Variants in SYP observed in about 807,000 individuals in gnomAD.
SYP encodes the protein major synaptic vesicle protein P38.
In SYP, 2 loss-of-function variants were observed where a neutral mutation model predicts 24.3. That is an observed-to-expected ratio of 0.08 (90% CI 0.03 to 0.26). The LOEUF (loss-of-function observed/expected upper bound fraction) is 0.26, where lower values mean the gene tolerates loss of function less well. Among genes scored for constraint, SYP ranks in the 10% least tolerant of loss-of-function variants. The pLI is 1.00. For synonymous variants in SYP, 143 were observed against 123.2 expected (o/e 1.16, Z -1.07); for missense variants, 216 against 266.3 (o/e 0.81, Z 1.32).
Position 49,191,689 on chromosome X carries a change from G to T in SYP, c.690C>A (p.Ala230=), listed in dbSNP as rs782662870. ...WFVFKETGWA[A]PFLRAPPGAP... The stretch of plus-strand genomic sequence containing the variant: ...CGCCGGGAGGCGCGCGCAGGAACGG[G>T]GCGGCCCAGCCTGTCTCCTTAAACA... The change falls in exon 6 of 7, where the codon GCC becomes GCA. Residue 230 remains alanine, a synonymous_variant. Transcript: ENST00000263233. 1 of 1,206,303 alleles carries T rather than the reference G, an allele frequency of 8.3e-7. No homozygotes were observed. The highest frequency in any genetic ancestry group is 1.7e-5 in the African/African-American group (1 of 57,596).
At chrX:49,189,612 C>T (rs1245601936) in intron 6 of SYP, among the ~76,000 whole-genome samples, 3 of 109,899 alleles carry the variant, frequency 2.7e-5, no homozygotes, top group Non-Finnish European at 5.7e-5. Flanking sequence ...CTTCACACAG[C>T]GAACATGATG....
intron 5 of SYP, 144 bp downstream of exon 5, chrX:49,193,128 T>G: frequency 1.5e-6 from 1 of 652,264 alleles, no homozygotes. Context: ...TAGCTCATCC[T>G]TCAACGTTGT....
intron 4 of SYP, 92 bp downstream of exon 4, chrX:49,194,074 G>A: frequency 9.4e-7 from 1 of 1,058,387 alleles, no homozygotes; most frequent in Non-Finnish European, 1.3e-6. Context: ...ATGTGGGCCT[G>A]TCTGGGATTT....
intron 3 of SYP, among the ~76,000 whole-genome samples, chrX:49,195,463 C>G (rs189838931): frequency 9.1e-6 from 1 of 109,998 alleles, no homozygotes; most frequent in Admixed American, 9.7e-5. Context: ...TTCAGGTCCC[C>G]GAGAGAAAAA....
chrX:49,199,010 C>G lies in SYP; in HGVS notation c.60G>C (p.Arg20=). The part of the protein sequence containing the change: ...VNQLVAGGQF[R]VVKEPLGFVK... The stretch of plus-strand genomic sequence containing the variant: ...CAAAGCCGAGGGGCTCCTTGACCAC[C>G]CGGAACTGACCCCCAGCCACCAGCT... Residue 20 remains arginine, a synonymous_variant, in exon 2 of 7, where the codon CGG becomes CGC. Coordinates refer to ENST00000263233, the MANE Select transcript of SYP (RefSeq NM_003179.3). 1 of 1,211,649 alleles carries G rather than the reference C, an allele frequency of 8.3e-7. No individual in the cohort carries two copies. Among genetic ancestry groups the G allele is most frequent in the Non-Finnish European group, 1.1e-6 (1 of 895,469 alleles).
In SYP at chrX:49,191,692, G is replaced by A. The variant is rs201427270; in HGVS notation, c.687C>T (p.Ala229=). 1,114 of 1,206,402 alleles carry A rather than the reference G, an allele frequency of 9.2e-4. 4 individuals carry two copies. The South Asian group carries it at 9.7e-3, about 11-fold the overall frequency. ...CGGGAGGCGCGCGCAGGAACGGGGC[G>A]GCCCAGCCTGTCTCCTTAAACACGA... The part of the protein sequence containing the change: ...LWFVFKETGW[A]APFLRAPPGA... The change falls in exon 6 of 7, where the codon GCC becomes GCT. Residue 229 remains alanine (A), a synonymous_variant. Transcript: ENST00000263233.
intron 3 of SYP, 37 bp downstream of exon 3, chrX:49,197,678 C>G (rs2065533296): frequency 8.3e-7 from 1 of 1,200,790 alleles, no homozygotes; most frequent in African/African-American, 1.7e-5. Context: ...GCCCCTTCCT[C>G]TCCCAGGTCT....
chrX:49,193,604 C>G (rs782382494), intron 4 of SYP, 141 bp from the exon 5 acceptor site: 2 of 667,547 alleles, frequency 3.0e-6, no homozygotes, highest in Admixed American at 3.0e-5. Context: ...ACAACACTTT[C>G]ACCTGAAGGT....
At chrX:49,198,288 G>C (rs1360187350) in intron 2 of SYP, 1 of 145,154 alleles carries the variant, frequency 6.9e-6, no homozygotes, top group African/African-American at 3.2e-5. Flanking sequence ...CTGTATGTCT[G>C]TGTCTTTCTG....
chrX:49,193,999 C>T (rs888804662), intron 4 of SYP, among the ~76,000 whole-genome samples, 167 bp downstream of exon 4: 2 of 110,497 alleles, frequency 1.8e-5, no homozygotes, highest in Admixed American at 9.6e-5. Flanking sequence ...CTCTGTGTCC[C>T]GGATGCCTGG....
intron 2 of SYP, chrX:49,198,730 T>A: frequency 2.6e-6 from 1 of 389,673 alleles, no homozygotes; most frequent in South Asian, 4.2e-5. Flanking sequence ...AGAGAGGAGG[T>A]AGGACGTCAC....
At chrX:49,190,308 T>A (rs1181184251) in intron 6 of SYP, among the ~76,000 whole-genome samples, 1 of 108,259 alleles carries the variant, frequency 9.2e-6, no homozygotes, top group Non-Finnish European at 1.9e-5. Context: ...GCCTCCAGAG[T>A]AGCTGGAACT....
intron 1 of SYP, 66 bp from the exon 2 acceptor site, chrX:49,199,099 T>C: frequency 1.9e-6 from 2 of 1,058,952 alleles, no homozygotes; most frequent in Non-Finnish European, 2.6e-6. Context: ...GCGGCAAGGC[T>C]GCCCATCAAT....
In SYP at chrX:49,200,182, A is replaced by G. The variant is rs200470034; in HGVS notation, c.5T>C (p.Leu2Pro). The change falls in exon 1 of 7, where the codon CTG becomes CCG. Residue 2 changes from leucine (L) to proline (P), a missense_variant. Physicochemically the swap from Leu to Pro is moderately conservative, Grantham distance 98 (BLOSUM62 -3). Around this residue, in one of 2 missense-constraint regions of SYP, gnomAD observed 102 missense variants for 158.4 expected, o/e 0.64. Transcript: ENST00000263233. ...CACCACGTCCATGTCCGCCAGCAGCAGCATCAGCAATGCAGGGGGCGGGAG... is the reference window on the plus strand; with the variant it reads ...CACCACGTCCATGTCCGCCAGCAGCGGCATCAGCAATGCAGGGGGCGGGAG... MLLLADMDVVNQ... is the reference protein window; with the variant it reads MPLLADMDVVNQ... The G allele has an allele frequency of 1.7e-6, 2 of 1,165,092 alleles. No individual in the cohort carries two copies. Among genetic ancestry groups the G allele is most frequent in the Admixed American group, 2.6e-5 (1 of 38,730 alleles).
chrX:49,193,506 T>G (rs2065517828), intron 4 of SYP, 43 bp from the exon 5 acceptor site: 7 of 1,190,898 alleles, frequency 5.9e-6, no homozygotes, highest in Non-Finnish European at 7.9e-6. Flanking sequence ...GTGAGTGGAC[T>G]GCTTCACGCT....
chrX:49,194,218 G>C lies in SYP; in HGVS notation c.371C>G (p.Thr124Ser). ...AFLYSMGALA[T>S]YIFLQNKYRE... ...GTACTTGTTCTGCAGGAAGATGTAG[G>C]TGGCCAGAGCCCCCATGGAGTAGAG... Residue 124 changes from threonine to serine, a missense_variant, in exon 4 of 7, where the codon ACC becomes AGC. Around this residue, in one of 2 missense-constraint regions of SYP, gnomAD observed 102 missense variants for 158.4 expected, o/e 0.64. Transcript: ENST00000263233. The C allele has an allele frequency of 8.3e-7, 1 of 1,211,693 alleles. No homozygotes were observed. The highest frequency in any genetic ancestry group is 1.7e-5 in the African/African-American group (1 of 57,703).
chrX:49,195,193 T>G (rs1350099625), intron 3 of SYP, among the ~76,000 whole-genome samples: 2 of 110,374 alleles, frequency 1.8e-5, no homozygotes, highest in African/African-American at 6.6e-5. Flanking sequence ...TTTTTTAATC[T>G]TGGTTTTTGC....
chrX:49,191,478 C>G lies in SYP; in HGVS notation c.901G>C (p.Gly301Arg), dbSNP rs782467172. 8.3e-7 allele frequency: 1 copy of G among 1,211,568 alleles called. No homozygotes were observed. The highest frequency in any genetic ancestry group is 1.1e-6 in the Non-Finnish European group (1 of 895,506). The change falls in exon 6 of 7, where the codon GGC becomes CGC. Residue 301 changes from glycine to arginine, a missense_variant. Transcript: ENST00000263233. The stretch of plus-strand genomic sequence containing the variant: ...AAGGAGGTGGGTGCACCCTGCGGGC[C>G]GTAGCCTTGCTGCCCATAGTCGCCC... ...PQGDYGQQGY[G>R]PQGAPTSFSN...
rs782051337 is a variant in SYP, at chrX:49,191,150, C to T, written c.*4+283G>A. The stretch of plus-strand genomic sequence containing the variant: ...TTCCCTCCCTTTATTGGTTGCTCTG[C>T]TTCTCTCCCCCCGCCTTTCCGCCGA... On this transcript the variant is annotated intron_variant, in intron 6 of 6. Transcript: ENST00000263233. The T allele has an allele frequency of 8.2e-5, 33 of 400,410 alleles. No individual in the cohort carries two copies. In the East Asian group the frequency reaches 1.3e-3, roughly 16 times the overall value. 33.0% of individuals were successfully genotyped at this position (400,410 alleles called of 1,213,427 possible).
Sources: gnomAD v4.1 joint callset for allele counts (sites outside exome capture counted in the v4.1 genomes callset) on GRCh38, gnomAD v4.1.1 for gene constraint, gnomAD v4.1.1 regional missense constraint, MANE v1.5 for transcripts, NCBI Gene and HGNC (gene_info 2026-07-23, HGNC 2026-07-21) for gene names.